The following OPCML variants were observed in gnomAD, a reference collection of about 807,000 sequenced individuals.
The protein encoded by OPCML is opioid-binding protein/cell adhesion molecule.
A neutral mutation model predicts 37.8 loss-of-function variants in OPCML; 13 were observed. The ratio of observed to expected loss-of-function variants is 0.34; its 90% CI spans 0.22 to 0.55. The LOEUF (loss-of-function observed/expected upper bound fraction) is 0.55, where lower values mean the gene tolerates loss of function less well. Ranked by LOEUF, OPCML falls within the 20% of genes least tolerant of loss-of-function variation. The pLI is 0.91. For synonymous variants in OPCML, 176 were observed against 168.8 expected (o/e 1.04, Z -0.33); for missense variants, 341 against 435.6 (o/e 0.78, Z 1.93).
intron 1 of OPCML, chr11:133,423,399 G>C: frequency 1.0e-6 from 1 of 985,384 alleles, no homozygotes; most frequent in Non-Finnish European, 1.2e-6. Flanking sequence ...TCTTTCCCTA[G>C]GTAGGAGATA....
intron 1 of OPCML, among the ~76,000 whole-genome samples, chr11:132,974,571 A>C (rs963169455): frequency 4.6e-5 from 7 of 152,218 alleles, no homozygotes; most frequent in Non-Finnish European, 7.3e-5. Context: ...AAATTAGTTC[A>C]ACCATTGTGG....
intron 1 of OPCML, among the ~76,000 whole-genome samples, chr11:133,225,551 G>A (rs1940004225): frequency 6.6e-6 from 1 of 152,188 alleles, no homozygotes; most frequent in South Asian, 2.1e-4. Context: ...CATAATAGGT[G>A]TTCAGTAAGC....
At chr11:132,693,924 A>G (rs1193835921) in intron 2 of OPCML, among the ~76,000 whole-genome samples, 1 of 152,162 alleles carries the variant, frequency 6.6e-6, no homozygotes, top group Non-Finnish European at 1.5e-5. Context: ...TATGTGACCC[A>G]GTAATAAGAA....
intron 4 of OPCML, among the ~76,000 whole-genome samples, chr11:132,491,093 A>C (rs1365620339): frequency 6.6e-6 from 1 of 152,004 alleles, no homozygotes; most frequent in African/African-American, 2.4e-5. Flanking sequence ...CTTTCTCACC[A>C]CGTGTATGCT....
At chr11:133,530,245 T>G (rs761436201) in intron 1 of OPCML, among the ~76,000 whole-genome samples, 1 of 152,188 alleles carries the variant, frequency 6.6e-6, no homozygotes, top group Non-Finnish European at 1.5e-5. Flanking sequence ...ACCAGTGCAG[T>G]GCCACGGGAC....
intron 1 of OPCML, among the ~76,000 whole-genome samples, chr11:133,236,845 C>A (rs1295920667): frequency 6.6e-6 from 1 of 152,080 alleles, no homozygotes; most frequent in Non-Finnish European, 1.5e-5. Flanking sequence ...AGGACAAATA[C>A]AGAATGTGAG....
intron 1 of OPCML, chr11:133,300,011 A>G (rs1048312973): frequency 4.6e-5 from 7 of 152,254 alleles, no homozygotes; most frequent in Admixed American, 3.9e-4. Context: ...ACAAAGATGC[A>G]CATGCCACGG....
At chr11:133,226,093 A>T (rs938630223) in intron 1 of OPCML, among the ~76,000 whole-genome samples, 1 of 152,246 alleles carries the variant, frequency 6.6e-6, no homozygotes, top group African/African-American at 2.4e-5. Flanking sequence ...GTCACTGCAG[A>T]GCCCTCTATG....
rs543672476 is a variant in OPCML at position 133,459,610 on chromosome 11, A to C, written c.61+72654T>G. Among the ~76,000 whole-genome samples the C allele has an allele frequency of 7.9e-5, 12 of 152,234 alleles. No individual in the cohort carries two copies. In the South Asian group the frequency reaches 2.5e-3, roughly 32 times the overall value. On this transcript the variant is annotated intron_variant, in intron 1 of 7. Coordinates refer to ENST00000524381, the MANE Select transcript of OPCML (RefSeq NM_001012393.5). The stretch of plus-strand genomic sequence containing the variant: ...ACTAATATTAGACAAAGTAATCTTT[A>C]AGTCAAAAACTGTTACAAGAGACAA...
chr11:133,215,822 G>A (rs1222250736), intron 1 of OPCML, among the ~76,000 whole-genome samples: 1 of 152,166 alleles, frequency 6.6e-6, no homozygotes, highest in Non-Finnish European at 1.5e-5. Flanking sequence ...GCTGTTCTGG[G>A]TGGCTGCATT....
chr11:133,504,583 C>T (rs1947987252), intron 1 of OPCML, among the ~76,000 whole-genome samples: 1 of 152,170 alleles, frequency 6.6e-6, no homozygotes, highest in Admixed American at 6.5e-5. Context: ...GCCAACCGCA[C>T]CTACTGGACA....
At chr11:132,611,248 G>A (rs776187918) in intron 3 of OPCML, among the ~76,000 whole-genome samples, 5 of 152,114 alleles carry the variant, frequency 3.3e-5, no homozygotes, top group Non-Finnish European at 7.3e-5. Flanking sequence ...ATGCAGAGAG[G>A]ACACAGAAAT....
intron 3 of OPCML, among the ~76,000 whole-genome samples, chr11:132,631,792 A>G (rs1357144812): frequency 2.0e-5 from 3 of 152,164 alleles, no homozygotes; most frequent in African/African-American, 7.2e-5. Context: ...TAACAATATT[A>G]GGAAATAGAT....
intron 2 of OPCML, among the ~76,000 whole-genome samples, chr11:132,845,048 T>TA (rs1941462289): frequency 6.6e-6 from 1 of 151,362 alleles, no homozygotes; most frequent in African/African-American, 2.4e-5. Flanking sequence ...CAGCCACAAA[T>TA]ACACACCTCT....
At chr11:133,107,278 T>C (rs1277570478) in intron 1 of OPCML, among the ~76,000 whole-genome samples, 1 of 152,198 alleles carries the variant, frequency 6.6e-6, no homozygotes, top group Non-Finnish European at 1.5e-5. Context: ...CTGTTTGTGA[T>C]TTTCATTAGA....
At chr11:133,331,409 C>T (rs1313166926) in intron 1 of OPCML, among the ~76,000 whole-genome samples, 1 of 152,168 alleles carries the variant, frequency 6.6e-6, no homozygotes, top group Non-Finnish European at 1.5e-5. Flanking sequence ...TCCACAGAGA[C>T]CACAGGGGGA....
chr11:133,420,756 A>G (rs1945869364), intron 1 of OPCML: 1 of 985,444 alleles, frequency 1.0e-6, no homozygotes, highest in Non-Finnish European at 1.2e-6. Flanking sequence ...AGTAACTAGA[A>G]TTCAGCCTTC....
intron 2 of OPCML, among the ~76,000 whole-genome samples, chr11:132,705,667 T>C (rs1944003259): frequency 6.6e-6 from 1 of 152,138 alleles, no homozygotes; most frequent in African/African-American, 2.4e-5. Context: ...CCGTGTGACA[T>C]GCAAGCTCCC....
rs199831057 is a variant in OPCML at position 132,644,494 on chromosome 11, GA to G, written c.379+12592del. Among the ~76,000 whole-genome samples, 847 of 148,984 alleles carry G rather than the reference GA, an allele frequency of 5.7e-3. 3 individuals are homozygous for G. Among genetic ancestry groups the G allele is most frequent in the African/African-American group, 0.013 (544 of 41,170 alleles). Reference sequence around the variant, plus strand: ...ACAGAAATTAAGAAAAAATAAGAAAGAAAAAAAATTAAAAGAAAGAAGAATT... The same window carrying G: ...ACAGAAATTAAGAAAAAATAAGAAAGAAAAAAATTAAAAGAAAGAAGAATT... On this transcript the variant is annotated intron_variant, in intron 3 of 7. Transcript: ENST00000524381.
Sources: allele counts gnomAD v4.1 joint callset (sites outside exome capture counted in the v4.1 genomes callset), GRCh38; gene constraint gnomAD v4.1.1; transcripts MANE v1.5; gene names NCBI Gene and HGNC (gene_info 2026-07-23, HGNC 2026-07-21).